The following POM121 variants were observed in gnomAD, a reference collection of about 807,000 sequenced individuals.
The protein encoded by POM121 is POM121 transmembrane nucleoporin, also known as nuclear envelope pore membrane protein POM 121.
In POM121, 32 loss-of-function variants were observed where a neutral mutation model predicts 81.3. The observed-to-expected ratio is 0.39, with a 90% CI of 0.30 to 0.53. The LOEUF (loss-of-function observed/expected upper bound fraction) is 0.53. POM121 is among the 20% of genes least tolerant of loss of function. The probability of loss-of-function intolerance (pLI) is 0.66; values close to 1 mark genes in which losing one functional copy is unlikely to be tolerated. For synonymous variants in POM121, 514 were observed against 694.2 expected, an observed-to-expected ratio of 0.74 and a Z score of 4.08; for missense variants, 1,138 against 1,614.6, an observed-to-expected ratio of 0.70 and a Z score of 5.06.
downstream of POM121, chr7:72,948,790 A>G (rs1554504018): frequency 6.3e-7 from 1 of 1,574,954 alleles, no homozygotes; most frequent in Admixed American, 1.7e-5. Context: ...GGGGCCGGGC[A>G]GGCAGGGCGG....
intron 5 of POM121, among the ~76,000 whole-genome samples, chr7:72,936,445 T>G (rs1237898624): frequency 1.3e-5 from 2 of 151,976 alleles, no homozygotes; most frequent in Admixed American, 6.5e-5. Context: ...ACCCGGCTAA[T>G]TTTTTGTATT....
downstream of POM121, chr7:72,950,075 G>A: frequency 1.9e-6 from 3 of 1,577,100 alleles, no homozygotes; most frequent in Non-Finnish European, 2.6e-6. Context: ...TGCAGAATGA[G>A]GTGTCCGGCC....
upstream of POM121, among the ~76,000 whole-genome samples, chr7:72,923,115 C>G (rs1351173020): frequency 1.7e-5 from 2 of 121,020 alleles, no homozygotes; most frequent in Admixed American, 9.4e-5. Context: ...CCCCCCCAAC[C>G]CCCCCCCCCT....
upstream of POM121, chr7:72,925,056 G>A (rs1207296285): frequency 5.9e-6 from 8 of 1,353,544 alleles, no homozygotes; most frequent in South Asian, 3.6e-5. Flanking sequence ...GAGGGCGCGC[G>A]ATGACGCGAC....
intron 3 of POM121, among the ~76,000 whole-genome samples, chr7:72,911,264 AT>A (rs2129576328): frequency 1.3e-5 from 2 of 152,348 alleles, no homozygotes; most frequent in African/African-American, 4.8e-5. Flanking sequence ...GATTACAGGC[AT>A]GAGCCACCGT....
chr7:72,943,520 G>C lies in POM121; in HGVS notation c.3527G>C (p.Gly1176Ala), dbSNP rs1159191999. The C allele has an allele frequency of 6.2e-6, 10 of 1,611,722 alleles. No individual in the cohort carries two copies. The Admixed American group carries it at 1.5e-4, about 24-fold the overall frequency. ...SSTTESKPVFGGTATPTFGLN... is the reference protein window; with the variant it reads ...SSTTESKPVFAGTATPTFGLN... ...ACAACTGAGAGCAAACCTGTGTTTG[G>C]AGGTAAGGAGGGGCGTGGACTTGGG... The change falls in exon 11 of 13, where the codon GGA becomes GCA. Residue 1176 changes from glycine (G) to alanine (A), a missense_variant and splice_region_variant. Around this residue, in one of 7 missense-constraint regions of POM121, gnomAD observed 336 missense variants for 344.3 expected, o/e 0.98. Transcript: ENST00000434423.
chr7:72,938,589 G>A lies in POM121; in HGVS notation c.1276-1G>A, dbSNP rs1796748790. 6.2e-7 allele frequency: 1 copy of A among 1,613,776 alleles called. No individual in the cohort carries two copies. The highest frequency in any genetic ancestry group is 8.5e-7 in the Non-Finnish European group (1 of 1,179,738). On this transcript the variant is annotated splice_acceptor_variant, in intron 5 of 12. Coordinates refer to ENST00000434423, the MANE Select transcript of POM121 (RefSeq NM_001387691.1). LOFTEE classifies it high-confidence loss of function. Reference sequence around the variant, plus strand: ...TCAGTCATGTCCCTCTTGATTTTTAGCTCTGGAAGAGAAATGGCCCCAGTT... The same window carrying A: ...TCAGTCATGTCCCTCTTGATTTTTAACTCTGGAAGAGAAATGGCCCCAGTT...
chr7:72,940,732 C>T lies in POM121; in HGVS notation c.1667-85C>T, dbSNP rs1796980242. ...TTGAGGGCAGGCATTCCTCCATGAG[C>T]TGTGCTGAGAGCCTGCTCTCCGACA... On this transcript the variant is annotated intron_variant, in intron 9 of 12. Coordinates refer to ENST00000434423, the MANE Select transcript of POM121 (RefSeq NM_001387691.1). 5 of 1,512,162 alleles carry T rather than the reference C, an allele frequency of 3.3e-6. No homozygotes were observed. The East Asian group carries it at 1.1e-4, about 34-fold the overall frequency. 93.7% of individuals were successfully genotyped at this position (1,512,162 alleles called of 1,614,324 possible).
intron 1 of POM121, among the ~76,000 whole-genome samples, chr7:72,883,215 G>A (rs1329870827): frequency 6.6e-6 from 1 of 152,044 alleles, no homozygotes; most frequent in Non-Finnish European, 1.5e-5. Flanking sequence ...AATTTTTTTT[G>A]TATTTTAGTA....
At chr7:72,928,575 A>G in intron 4 of POM121, 110 bp downstream of exon 4, 1 of 1,327,104 alleles carries the variant, frequency 7.5e-7, no homozygotes. Context: ...TAATTGGTTC[A>G]GGTTCACGTC....
At chr7:72,882,316 G>T (rs1274675219) in intron 1 of POM121, among the ~76,000 whole-genome samples, 1 of 152,156 alleles carries the variant, frequency 6.6e-6, no homozygotes, top group Non-Finnish European at 1.5e-5. Context: ...GAAGGAAGAG[G>T]GAACATTGGG....
At chr7:72,923,340 C>T (rs1370319119), upstream of POM121, among the ~76,000 whole-genome samples, 2 of 152,124 alleles carry the variant, frequency 1.3e-5, no homozygotes, top group African/African-American at 2.4e-5. Flanking sequence ...TGGACTTCTG[C>T]ACAGTGCTCC....
chr7:72,887,444 G>A (rs1254979843), intron 1 of POM121, among the ~76,000 whole-genome samples: 2 of 152,066 alleles, frequency 1.3e-5, no homozygotes, highest in South Asian at 2.1e-4. Context: ...GCCTGGAAAC[G>A]CTCAAGGCAG....
Position 72,931,170 on chromosome 7 carries a change from T to G in POM121, c.1275+1059T>G, listed in dbSNP as rs1214898269. Among the ~76,000 whole-genome samples the G allele has an allele frequency of 3.3e-5, 5 of 152,220 alleles. No homozygotes were observed. The South Asian group carries it at 8.3e-4, about 25-fold the overall frequency. On this transcript the variant is annotated intron_variant, in intron 5 of 12. Coordinates refer to ENST00000434423, the MANE Select transcript of POM121 (RefSeq NM_001387691.1). ...TTTAAGAGGGATAATTAATATTATT[T>G]AATATCTAGTTATTATTTTTGATAT...
chr7:72,943,431 C>T lies in POM121; in HGVS notation c.3438C>T (p.Gly1146=), dbSNP rs782232426. 5.0e-5 allele frequency: 81 copies of T among 1,612,894 alleles called. No homozygotes were observed. The Admixed American group carries it at 1.3e-3, about 26-fold the overall frequency. The change falls in exon 11 of 13, where the codon GGC becomes GGT. Residue 1146 remains glycine (G), a synonymous_variant. Coordinates refer to ENST00000434423, the MANE Select transcript of POM121 (RefSeq NM_001387691.1). ...STATSTPFAG[G]LGQNALGTTG... is the part of the protein sequence containing the mutation. Reference sequence around the variant, plus strand: ...CCACCTCCACCCCCTTCGCAGGGGGCTTAGGTCAGAACGCCCTGGGCACCA... The same window carrying T: ...CCACCTCCACCCCCTTCGCAGGGGGTTTAGGTCAGAACGCCCTGGGCACCA...
chr7:72,903,439 A>G (rs1792914470), intron 3 of POM121, among the ~76,000 whole-genome samples: 1 of 152,222 alleles, frequency 6.6e-6, no homozygotes, highest in African/African-American at 2.4e-5. Context: ...CTCCGTCTCA[A>G]AAAAGAAAAT....
At chr7:72,948,545 G>A, downstream of POM121, 3 of 1,613,490 alleles carry the variant, frequency 1.9e-6, no homozygotes, top group Admixed American at 5.0e-5. Flanking sequence ...TTTCTCTTTG[G>A]GGCTGGGCTG....
rs2129580434 is a variant in POM121, at chr7:72,942,838, A to C, written c.2845A>C (p.Asn949His). Residue 949 changes from asparagine (N) to histidine (H), a missense_variant, in exon 11 of 13, where the codon AAC becomes CAC. Asn to His is a moderately conservative substitution (Grantham distance 68). This residue lies in a region of POM121 where 45 missense variants were observed against 75.7 expected (regional missense o/e 0.59). Transcript: ENST00000434423. ...TFSNTSTPTF[N>H]IPFGSSAKSP... Reference sequence around the variant, plus strand: ...CAGTAACACGAGCACCCCCACGTTCAACATTCCCTTTGGCTCAAGCGCCAA... The same window carrying C: ...CAGTAACACGAGCACCCCCACGTTCCACATTCCCTTTGGCTCAAGCGCCAA... The C allele has an allele frequency of 6.4e-7, 1 of 1,571,470 alleles. No individual in the cohort carries two copies.
At chr7:72,948,430 G>C (rs147187722), downstream of POM121, 6 of 1,613,210 alleles carry the variant, frequency 3.7e-6, no homozygotes, top group Non-Finnish European at 5.1e-6. Context: ...GGTCTTCCAC[G>C]GAGAGGACAG....
Sources: allele counts gnomAD v4.1 joint callset (sites outside exome capture counted in the v4.1 genomes callset), GRCh38; gene constraint gnomAD v4.1.1; regional missense constraint gnomAD v4.1.1; transcripts MANE v1.5; gene names NCBI Gene and HGNC (gene_info 2026-07-23, HGNC 2026-07-21).